Variants in IRF5 observed in about 807,000 individuals in gnomAD.
The protein encoded by IRF5 is interferon regulatory factor 5.
IRF5 carries 24 observed loss-of-function variants against 55.1 expected under a neutral mutation model. The ratio of observed to expected loss-of-function variants is 0.44; its 90% CI spans 0.32 to 0.61. The LOEUF (loss-of-function observed/expected upper bound fraction) is 0.61. Among genes scored for constraint, IRF5 ranks in the 20% least tolerant of loss-of-function variants. The pLI, the probability that IRF5 is intolerant of heterozygous loss-of-function variation, is 0.07. For synonymous variants in IRF5, 258 were observed against 260.2 expected, an observed-to-expected ratio of 0.99 and a Z score of 0.08; for missense variants, 499 against 658.5, an observed-to-expected ratio of 0.76 and a Z score of 2.65.
Position 128,946,606 on chromosome 7 carries a change from T to TC in IRF5, c.447+45dup, listed in dbSNP as rs775238687. 7.5e-7 allele frequency: 1 copy of TC among 1,335,750 alleles called. No homozygotes were observed. Among genetic ancestry groups the TC allele is most frequent in the South Asian group, 1.2e-5 (1 of 81,378 alleles). The allele number at this position is 1,335,750 out of a possible 1,614,324, so 82.7% of individuals were successfully genotyped here. A position where few individuals can be genotyped will look rare whatever the true frequency, so the allele number is the denominator to read the frequency against. On this transcript the variant is annotated intron_variant, in intron 4 of 8. Transcript: ENST00000357234. This position sits in a 1 kb window ranked among gnomAD's most constrained non-coding sequence, Gnocchi z 4.2. Reference sequence around the variant, plus strand: ...GGCAGGTGGAGCCCTGGACGAGCTCTCTGCTGTCCCCATCGGCCTTAGGTT... The same window carrying TC: ...GGCAGGTGGAGCCCTGGACGAGCTCTCCTGCTGTCCCCATCGGCCTTAGGTT...
At chr7:128,942,705 C>T (rs191762984) in intron 2 of IRF5, among the ~76,000 whole-genome samples, 3 of 152,132 alleles carry the variant, frequency 2.0e-5, no homozygotes. Context: ...TCCTACTCAC[C>T]CTTTGCTCGT....
At chr7:128,938,088 G>C (rs1348819081) in intron 1 of IRF5, 39 bp downstream of exon 1, 1 of 152,174 alleles carries the variant, frequency 6.6e-6, no homozygotes, top group Non-Finnish European at 1.5e-5. Flanking sequence ...CTGCGTCCGC[G>C]CCCGGCGCGC....
chr7:128,948,324 T>A lies in IRF5; in HGVS notation c.1295T>A (p.Val432Glu), dbSNP rs774084347. ...CCCCGAGAGAAGAAGCTCATTACTG[T>A]ACAGGTACATCTCCCCTATCCCAAA... ...RKPREKKLIT[V>E]QVVPVAARLL... is the part of the protein sequence containing the mutation. Residue 432 changes from valine to glutamate, a missense_variant, in exon 8 of 9, where the codon GTA becomes GAA. Transcript: ENST00000357234. The surrounding 1 kb of genome is among the most constrained non-coding windows in gnomAD (Gnocchi z 4.6). 1 of 1,596,758 alleles carries A rather than the reference T, an allele frequency of 6.3e-7. No individual in the cohort carries two copies. Among genetic ancestry groups the A allele is most frequent in the South Asian group, 1.1e-5 (1 of 88,490 alleles).
chr7:128,946,404 A>C lies in IRF5; in HGVS notation c.386-97A>C. 2.1e-6 allele frequency: 3 copies of C among 1,452,908 alleles called. No individual in the cohort carries two copies. Among genetic ancestry groups the C allele is most frequent in the Non-Finnish European group, 2.8e-6 (3 of 1,067,156 alleles). The allele number at this position is 1,452,908 out of a possible 1,614,324, so 90.0% of individuals were successfully genotyped here. On this transcript the variant is annotated intron_variant, in intron 3 of 8. Transcript: ENST00000357234. The surrounding 1 kb of genome is among the most constrained non-coding windows in gnomAD (Gnocchi z 4.2). ...TTGGGGGCAGCTTTGGGGAAGGCAG[A>C]AGCTGCATAGGAGCTACAGGCAGCC... is the stretch of plus-strand genomic sequence containing the variant.
intron 1 of IRF5, among the ~76,000 whole-genome samples, chr7:128,940,034 C>T (rs1026696452): frequency 2.6e-5 from 4 of 152,206 alleles, no homozygotes; most frequent in Non-Finnish European, 5.9e-5. Context: ...GACCTAGCTG[C>T]AGGCAAAAGC....
In IRF5 at chr7:128,946,497, G is replaced by A. The variant is rs1461843542; in HGVS notation, c.386-4G>A. 6.2e-7 allele frequency: 1 copy of A among 1,604,756 alleles called. No individual in the cohort carries two copies. The highest frequency in any genetic ancestry group is 1.1e-5 in the South Asian group (1 of 88,838). ...TGCCCTGCTTTTCTCTCCCTGCTGT[G>A]CAGACTCCCAGCCCCCTGAGGATTA... On this transcript the variant is annotated splice_polypyrimidine_tract_variant and splice_region_variant and intron_variant, in intron 3 of 8. Transcript: ENST00000357234. The surrounding 1 kb of genome is among the most constrained non-coding windows in gnomAD (Gnocchi z 4.2).
Position 128,946,583 on chromosome 7 carries a change from C to T in IRF5, c.447+21C>T, listed in dbSNP as rs1206715016. The T allele has an allele frequency of 5.9e-6, 9 of 1,522,722 alleles. No homozygotes were observed. Among genetic ancestry groups the T allele is most frequent in the African/African-American group, 1.4e-5 (1 of 73,234 alleles). 94.3% of individuals were successfully genotyped at this position (1,522,722 alleles called of 1,614,324 possible). A position where few individuals can be genotyped will look rare whatever the true frequency, so the allele number is the denominator to read the frequency against. On this transcript the variant is annotated intron_variant, in intron 4 of 8. Coordinates refer to ENST00000357234, the MANE Select transcript of IRF5 (RefSeq NM_001098629.3). This position sits in a 1 kb window ranked among gnomAD's most constrained non-coding sequence, Gnocchi z 4.2. ...AAGAGGTGAGTGTGGGTTGAGGAGG[C>T]AGGTGGAGCCCTGGACGAGCTCTCT...
chr7:128,943,308 G>A (rs990124494), intron 2 of IRF5, among the ~76,000 whole-genome samples: 1 of 151,686 alleles, frequency 6.6e-6, no homozygotes, highest in African/African-American at 2.4e-5. Flanking sequence ...TGGGATTACA[G>A]GTGTGAGCCA....
chr7:128,944,113 A>G (rs551745314), intron 2 of IRF5, among the ~76,000 whole-genome samples: 58 of 152,328 alleles, frequency 3.8e-4, no homozygotes, highest in Non-Finnish European at 6.6e-4. Flanking sequence ...AATCAAGTGA[A>G]TATCTTGATT....
chr7:128,942,027 C>T (rs1563072406), intron 1 of IRF5, 44 bp from the exon 2 acceptor site: 13 of 1,476,602 alleles, frequency 8.8e-6, no homozygotes, highest in Admixed American at 5.8e-5. Flanking sequence ...TGTCCCCATC[C>T]ACCTGCAGAC....
Position 128,942,241 on chromosome 7 carries a change from G to T in IRF5, c.160G>T (p.Gly54Cys). 1 of 1,613,746 alleles carries T rather than the reference G, an allele frequency of 6.2e-7. No individual in the cohort carries two copies. The highest frequency in any genetic ancestry group is 1.3e-5 in the African/African-American group (1 of 75,018). The change falls in exon 2 of 9, where the codon GGT becomes TGT. Residue 54 changes from glycine (G) to cysteine (C), a missense_variant. This residue lies in a region of IRF5 where 305 missense variants were observed against 340.2 expected (regional missense o/e 0.90). Coordinates refer to ENST00000357234, the MANE Select transcript of IRF5 (RefSeq NM_001098629.3). ...CCCCTGGAGGCATGCCACAAGGCAT[G>T]GTCCCAGCCAGGACGGAGATAACAC... ...CIPWRHATRH[G>C]PSQDGDNTIF... is the part of the protein sequence containing the mutation.
chr7:128,947,306 GCCGC>G lies in IRF5; in HGVS notation c.561_564del (p.Pro188LeufsTer67), dbSNP rs746917321. On this transcript the variant is annotated frameshift_variant, in exon 6 of 9. Transcript: ENST00000357234. LOFTEE classifies it high-confidence loss of function. This position sits in a 1 kb window ranked among gnomAD's most constrained non-coding sequence, Gnocchi z 6.5. ...ATGTCAAGTGGCCGCCCACTCTGCA[GCCGC>G]CCACTCTGCGGCCGCCTACTCTGCA... 47 of 417,894 alleles carry G rather than the reference GCCGC, an allele frequency of 1.1e-4. No individual in the cohort carries two copies. In the African/African-American group the frequency reaches 1.8e-3, roughly 16 times the overall value. The allele number at this position is 417,894 out of a possible 1,614,324, so 25.9% of individuals were successfully genotyped here. A position where few individuals can be genotyped will look rare whatever the true frequency, so the allele number is the denominator to read the frequency against.
At position 128,946,071 on chromosome 7, in the gene IRF5, C is replaced by A; in HGVS notation, c.385+37C>A. The A allele has an allele frequency of 6.5e-7, 1 of 1,533,784 alleles. No homozygotes were observed. The highest frequency in any genetic ancestry group is 8.8e-7 in the Non-Finnish European group (1 of 1,140,952). On this transcript the variant is annotated intron_variant, in intron 3 of 8. Coordinates refer to ENST00000357234, the MANE Select transcript of IRF5 (RefSeq NM_001098629.3). This position sits in a 1 kb window ranked among gnomAD's most constrained non-coding sequence, Gnocchi z 4.2. ...AGCCCTCTGTGGGCCACCTGGGAGG[C>A]TGTGCAATGTCCTGGCCCCCAGCCA...
rs1204205925 is a variant in IRF5 at position 128,948,512 on chromosome 7, A to G, written c.1300-61A>G. ...TCACCCCTGATGGCTGTCCTCATGC[A>G]CAGCTGGATCTGGCAGCCCTGCCAC... On this transcript the variant is annotated intron_variant, in intron 8 of 8. Coordinates refer to ENST00000357234, the MANE Select transcript of IRF5 (RefSeq NM_001098629.3). The surrounding 1 kb of genome is among the most constrained non-coding windows in gnomAD (Gnocchi z 4.6). 1.6e-5 allele frequency: 25 copies of G among 1,600,498 alleles called. No individual in the cohort carries two copies. Among genetic ancestry groups the G allele is most frequent in the Non-Finnish European group, 2.0e-5 (23 of 1,175,362 alleles).
Position 128,943,848 on chromosome 7 carries a change from C to T in IRF5, c.195+1572C>T, listed in dbSNP as rs547631851. On this transcript the variant is annotated intron_variant, in intron 2 of 8. Transcript: ENST00000357234. ...CCTCCCAAAGTGCTGGGATTACAGG[C>T]GTGAGCCACCGTGCCCAGCCTAATT... 2.7e-5 allele frequency among the ~76,000 whole-genome samples: 4 copies of T among 149,402 alleles called. No individual in the cohort carries two copies. The South Asian group carries it at 8.5e-4, about 32-fold the overall frequency.
In IRF5 at chr7:128,948,946, T is replaced by C. The variant is rs2070197; in HGVS notation, c.*128T>C. The C allele has an allele frequency of 0.11, 128,816 of 1,201,678 alleles. 8,087 individuals carry two copies. Among genetic ancestry groups the C allele is most frequent in the Admixed American group, 0.17 (6,665 of 39,062 alleles). The allele number at this position is 1,201,678 out of a possible 1,614,324, so 74.4% of individuals were successfully genotyped here. A position where few individuals can be genotyped will look rare whatever the true frequency, so the allele number is the denominator to read the frequency against. ...ACCTCTGGGTTTCCTGGAAGTGGAT[T>C]TGGGCCAAGAAGGAGAGGGAGAAAG... On this transcript the variant is annotated 3_prime_UTR_variant, in exon 9 of 9. Coordinates refer to ENST00000357234, the MANE Select transcript of IRF5 (RefSeq NM_001098629.3). This position sits in a 1 kb window ranked among gnomAD's most constrained non-coding sequence, Gnocchi z 4.6.
rs761626157 is a variant in IRF5, at chr7:128,946,599, C to T, written c.447+37C>T. 76 of 1,414,774 alleles carry T rather than the reference C, an allele frequency of 5.4e-5. No individual in the cohort carries two copies. Among genetic ancestry groups the T allele is most frequent in the Non-Finnish European group, 6.8e-5 (69 of 1,016,748 alleles). The allele number at this position is 1,414,774 out of a possible 1,614,324, so 87.6% of individuals were successfully genotyped here. A position where few individuals can be genotyped will look rare whatever the true frequency, so the allele number is the denominator to read the frequency against. ...TTGAGGAGGCAGGTGGAGCCCTGGA[C>T]GAGCTCTCTGCTGTCCCCATCGGCC... On this transcript the variant is annotated intron_variant, in intron 4 of 8. Coordinates refer to ENST00000357234, the MANE Select transcript of IRF5 (RefSeq NM_001098629.3). The surrounding 1 kb of genome is among the most constrained non-coding windows in gnomAD (Gnocchi z 4.2).
In IRF5 at chr7:128,947,659, T is replaced by C. The variant is rs1585307715; in HGVS notation, c.788-70T>C. 1 of 1,516,818 alleles carries C rather than the reference T, an allele frequency of 6.6e-7. No homozygotes were observed. The highest frequency in any genetic ancestry group is 8.8e-7 in the Non-Finnish European group (1 of 1,137,346). 94.0% of individuals were successfully genotyped at this position (1,516,818 alleles called of 1,614,324 possible). On this transcript the variant is annotated intron_variant, in intron 6 of 8. Transcript: ENST00000357234. This position sits in a 1 kb window ranked among gnomAD's most constrained non-coding sequence, Gnocchi z 6.5. ...GTGGGAGGGCGGATGGGGCTGGGCC[T>C]GGCCACTGGGCTGCAGAATGGGGAG...
rs993891504 is a variant in IRF5 at position 128,948,252 on chromosome 7, C to A, written c.1223C>A (p.Pro408His). Residue 408 changes from proline (P) to histidine (H), a missense_variant, in exon 8 of 9, where the codon CCC (proline) becomes CAC (histidine). Transcript: ENST00000357234. This position sits in a 1 kb window ranked among gnomAD's most constrained non-coding sequence, Gnocchi z 4.6. The stretch of plus-strand genomic sequence containing the variant: ...AAGGGCCAGACCAACACCCCACCAC[C>A]CTTCGAGATCTTCTTCTGCTTTGGG... ...FQKGQTNTPP[P>H]FEIFFCFGEE... 1 of 1,613,818 alleles carries A rather than the reference C, an allele frequency of 6.2e-7. No homozygotes were observed. The highest frequency in any genetic ancestry group is 8.5e-7 in the Non-Finnish European group (1 of 1,179,910).
Sources: gnomAD v4.1 joint callset for allele counts (sites outside exome capture counted in the v4.1 genomes callset) on GRCh38, gnomAD v4.1.1 for gene constraint, gnomAD v4.1.1 regional missense constraint, Gnocchi (gnomAD v3.1) non-coding constraint, MANE v1.5 for transcripts, NCBI Gene and HGNC (gene_info 2026-07-23, HGNC 2026-07-21) for gene names.